Variants in IQCM observed in about 807,000 individuals in gnomAD.
IQCM encodes the protein IQ motif containing M, also known as IQ domain-containing protein M.
A neutral mutation model predicts 57.6 loss-of-function variants in IQCM; 45 were observed. The ratio of observed to expected loss-of-function variants is 0.78; its 90% confidence interval spans 0.62 to 1.00. The LOEUF (loss-of-function observed/expected upper bound fraction) is 1.00, where lower values mean the gene tolerates loss of function less well. Among genes scored for constraint, IQCM ranks in the 50% least tolerant of loss-of-function variants. The pLI, the probability that IQCM is intolerant of heterozygous loss-of-function variation, is 0.00. For missense variants in IQCM, 468 were observed against 511.6 expected (o/e 0.91, Z 0.82); for synonymous variants, 148 against 158.9 (o/e 0.93, Z 0.51).
chr4:149,728,461 T>G (rs964422144), intron 5 of IQCM, among the ~76,000 whole-genome samples: 1 of 152,216 alleles, frequency 6.6e-6, no homozygotes, highest in South Asian at 2.1e-4. Context: ...CACTGAGCTT[T>G]GTATATTTAC....
At chr4:149,372,485 T>G (rs1730430992) in intron 13 of IQCM, among the ~76,000 whole-genome samples, 1 of 152,022 alleles carries the variant, frequency 6.6e-6, no homozygotes, top group Admixed American at 6.6e-5. Flanking sequence ...TAGCCCCATA[T>G]TTGAATGGAG....
chr4:149,393,345 AG>A (rs1451486975), intron 13 of IQCM, among the ~76,000 whole-genome samples: 3 of 151,966 alleles, frequency 2.0e-5, no homozygotes, highest in African/African-American at 7.2e-5. Flanking sequence ...GCCATAAAAA[AG>A]TGTTGAAAAA....
At chr4:149,748,666 T>C (rs889051344) in intron 2 of IQCM, 4 of 152,144 alleles carry the variant, frequency 2.6e-5, no homozygotes, top group African/African-American at 9.7e-5. Context: ...ACATGTACAT[T>C]GAAGGTCACT....
At chr4:149,714,877 G>T (rs1764860899) in intron 5 of IQCM, among the ~76,000 whole-genome samples, 1 of 152,142 alleles carries the variant, frequency 6.6e-6, no homozygotes, top group East Asian at 1.9e-4. Context: ...CTGGAGACAG[G>T]GAGGATTCTT....
At chr4:149,813,331 C>T (rs1481280452) in intron 2 of IQCM, among the ~76,000 whole-genome samples, 1 of 151,782 alleles carries the variant, frequency 6.6e-6, no homozygotes, top group African/African-American at 2.4e-5. Flanking sequence ...ACAAATGTAT[C>T]TAATGCATCT....
At chr4:149,426,237 C>T (rs1007512905) in intron 13 of IQCM, among the ~76,000 whole-genome samples, 13 of 151,962 alleles carry the variant, frequency 8.6e-5, no homozygotes, top group African/African-American at 3.1e-4. Context: ...CTTCTGAAAG[C>T]CAACCAGTCA....
chr4:149,526,685 G>C (rs1196189859), intron 12 of IQCM, among the ~76,000 whole-genome samples: 1 of 151,882 alleles, frequency 6.6e-6, no homozygotes, highest in Admixed American at 6.6e-5. Context: ...AAAATGAGCT[G>C]ATATTGTTTT....
chr4:149,473,982 G>T (rs767611269), intron 12 of IQCM, among the ~76,000 whole-genome samples: 3 of 152,040 alleles, frequency 2.0e-5, no homozygotes, highest in African/African-American at 4.8e-5. Flanking sequence ...TCGTGGTGTC[G>T]GGGAAGTGGG....
chr4:149,776,633 T>C (rs1034730657), intron 2 of IQCM, among the ~76,000 whole-genome samples: 2 of 152,116 alleles, frequency 1.3e-5, no homozygotes, highest in East Asian at 3.8e-4. Flanking sequence ...TGTGGATGAA[T>C]AAGGGCAGAT....
At chr4:149,572,212 C>T (rs766518810) in intron 9 of IQCM, among the ~76,000 whole-genome samples, 2 of 151,990 alleles carry the variant, frequency 1.3e-5, no homozygotes, top group Non-Finnish European at 2.9e-5. Flanking sequence ...CACATTATTT[C>T]AGGTTTATAC....
chr4:149,727,327 T>A (rs184467065), intron 5 of IQCM, among the ~76,000 whole-genome samples: 80 of 152,292 alleles, frequency 5.3e-4, no homozygotes, highest in African/African-American at 1.9e-3. Context: ...CTATTCTCCA[T>A]CTCAGAAAGT....
At chr4:149,659,354 T>C (rs2150150189) in intron 7 of IQCM, among the ~76,000 whole-genome samples, 2 of 152,206 alleles carry the variant, frequency 1.3e-5, no homozygotes, top group South Asian at 4.1e-4. Context: ...TGGAAGAACA[T>C]TCCATACTCA....
chr4:149,765,661 A>T (rs546076862), intron 2 of IQCM, among the ~76,000 whole-genome samples: 1 of 152,118 alleles, frequency 6.6e-6, no homozygotes, highest in Non-Finnish European at 1.5e-5. Context: ...TAGTGTAGCT[A>T]AATGATAACC....
At position 149,380,319 on chromosome 4, in the gene IQCM, T is replaced by C. The variant is rs72953677; in HGVS notation, c.1391-28253A>G. Among the ~76,000 whole-genome samples, 1,110 of 152,238 alleles carry C rather than the reference T, an allele frequency of 7.3e-3. 9 individuals carry two copies. The highest frequency in any genetic ancestry group is 0.017 in the African/African-American group (690 of 41,552). ...TCCTTCAGTTTATTAAAAGTAACTC[T>C]ATACACACAAAGTCCCAAATCCAGA... is the stretch of plus-strand genomic sequence containing the variant. On this transcript the variant is annotated intron_variant, in intron 13 of 13. Transcript: ENST00000636793.
intron 7 of IQCM, among the ~76,000 whole-genome samples, chr4:149,677,991 G>GA (rs1761893936): frequency 6.6e-6 from 1 of 151,406 alleles, no homozygotes; most frequent in Non-Finnish European, 1.5e-5. Flanking sequence ...AGAAGAAAAA[G>GA]AAAAAAGAAT....
chr4:149,567,583 A>T (rs1750753713), intron 9 of IQCM, among the ~76,000 whole-genome samples: 1 of 151,986 alleles, frequency 6.6e-6, no homozygotes, highest in East Asian at 1.9e-4. Flanking sequence ...CCTGTCCTCA[A>T]ATGATCCCCT....
At chr4:149,757,646 T>C (rs1769103971) in intron 2 of IQCM, among the ~76,000 whole-genome samples, 1 of 152,102 alleles carries the variant, frequency 6.6e-6, no homozygotes, top group African/African-American at 2.4e-5. Context: ...TAAACATGAA[T>C]TCATACGTAC....
At chr4:149,480,817 G>T (rs1292104308) in intron 12 of IQCM, among the ~76,000 whole-genome samples, 2 of 152,092 alleles carry the variant, frequency 1.3e-5, no homozygotes, top group Non-Finnish European at 2.9e-5. Context: ...TCTATTTTTA[G>T]ATTTTTGAGG....
chr4:149,404,442 C>T (rs1732837209), intron 13 of IQCM, among the ~76,000 whole-genome samples: 1 of 152,014 alleles, frequency 6.6e-6, no homozygotes, highest in African/African-American at 2.4e-5. Flanking sequence ...GACTCTCAAA[C>T]AAGAGTACCC....
Sources: gnomAD v4.1 joint callset for allele counts (sites outside exome capture counted in the v4.1 genomes callset) on GRCh38, gnomAD v4.1.1 for gene constraint, MANE v1.5 for transcripts, NCBI Gene and HGNC (gene_info 2026-07-23, HGNC 2026-07-21) for gene names.